Variants in CFAP221 observed in about 807,000 individuals in gnomAD.
CFAP221 encodes the protein cilia and flagella associated protein 221.
A neutral mutation model predicts 113.1 loss-of-function variants in CFAP221; 97 were observed. The ratio of observed to expected loss-of-function variants is 0.86; its 90% confidence interval spans 0.73 to 1.02. CFAP221 has a LOEUF of 1.02. Among genes scored for constraint, CFAP221 ranks in the 50% least tolerant of loss-of-function variants. The pLI is 0.00. For synonymous variants in CFAP221, 331 were observed against 354.4 expected, an observed-to-expected ratio of 0.93 and a Z score of 0.74; for missense variants, 1,025 against 1,013.4, an observed-to-expected ratio of 1.01 and a Z score of -0.16.
rs1466617306 is a variant in CFAP221, at chr2:119,646,085, A to G, written c.2226-873A>G. Among the ~76,000 whole-genome samples, 5 of 152,206 alleles carry G rather than the reference A, an allele frequency of 3.3e-5. No homozygotes were observed. The East Asian group carries it at 7.7e-4, about 23-fold the overall frequency. On this transcript the variant is annotated intron_variant, in intron 21 of 23. Transcript: ENST00000413369. Reference sequence around the variant, plus strand: ...TATCTCAATTCCTTTAACATTCTCAATAGCCAGGAATTTTTATATAAAGCT... The same window carrying G: ...TATCTCAATTCCTTTAACATTCTCAGTAGCCAGGAATTTTTATATAAAGCT...
At chr2:119,592,159 A>C (rs1038921516) in intron 7 of CFAP221, among the ~76,000 whole-genome samples, 1 of 152,184 alleles carries the variant, frequency 6.6e-6, no homozygotes, top group African/African-American at 2.4e-5. Flanking sequence ...GGCTGGAGGC[A>C]TACGATGATG....
In CFAP221 at chr2:119,604,766, G is replaced by C. The variant is rs1214355468; in HGVS notation, c.886G>C (p.Ala296Pro). Residue 296 changes from alanine (A) to proline (P), a missense_variant, in exon 9 of 24, where the codon GCG becomes CCG. By Grantham distance (27) the Ala-to-Pro change is conservative. Coordinates refer to ENST00000413369, the MANE Select transcript of CFAP221 (RefSeq NM_001271049.2). ...MMHINFHRPPAKPKPQKVKEI... is the reference protein window; with the variant it reads ...MMHINFHRPPPKPKPQKVKEI... ...GCATATAAATTTTCACCGACCGCCA[G>C]CGAAGCCGAAGCCTCAGAAGGTGAA... The C allele has an allele frequency of 6.5e-6, 10 of 1,544,518 alleles. No homozygotes were observed. The highest frequency in any genetic ancestry group is 8.7e-6 in the Non-Finnish European group (10 of 1,149,414).
At chr2:119,632,723 G>A (rs1339671285) in intron 19 of CFAP221, among the ~76,000 whole-genome samples, 1 of 146,658 alleles carries the variant, frequency 6.8e-6, no homozygotes, top group Non-Finnish European at 1.5e-5. Context: ...AAAAAAGATT[G>A]TCTATCTAGA....
intron 21 of CFAP221, among the ~76,000 whole-genome samples, chr2:119,645,913 T>C (rs1462069184): frequency 6.6e-6 from 1 of 152,202 alleles, no homozygotes; most frequent in African/African-American, 2.4e-5. Context: ...GTTGTTCTCT[T>C]TGCTGTTGTG....
At chr2:119,555,332 G>A (rs141413868) in intron 3 of CFAP221, among the ~76,000 whole-genome samples, 2 of 152,132 alleles carry the variant, frequency 1.3e-5, no homozygotes, top group Admixed American at 1.3e-4. Context: ...GGGACTAGGA[G>A]TTCTACTGAC....
chr2:119,602,579 G>T, intron 8 of CFAP221: 1 of 967,578 alleles, frequency 1.0e-6, no homozygotes, highest in Non-Finnish European at 1.2e-6. Context: ...TGATATCTTA[G>T]ATATTTATAT....
chr2:119,547,957 T>G (rs887465625), intron 2 of CFAP221, among the ~76,000 whole-genome samples: 1 of 152,074 alleles, frequency 6.6e-6, no homozygotes, highest in Non-Finnish European at 1.5e-5. Context: ...GGGTTGATTT[T>G]TTTGTTTGTT....
At chr2:119,562,209 T>TC in intron 6 of CFAP221, 95 bp downstream of exon 6, 2 of 727,362 alleles carry the variant, frequency 2.7e-6, no homozygotes, top group Non-Finnish European at 4.1e-6. Flanking sequence ...TAATGGAAGT[T>TC]CATCCTTCCA....
At chr2:119,589,057 C>T (rs189734151) in intron 7 of CFAP221, among the ~76,000 whole-genome samples, 1 of 152,208 alleles carries the variant, frequency 6.6e-6, no homozygotes, top group African/African-American at 2.4e-5. Flanking sequence ...ACTTTGGGAC[C>T]CGTCTTTTGC....
At chr2:119,641,768 G>A (rs981139494) in intron 21 of CFAP221, among the ~76,000 whole-genome samples, 2 of 152,180 alleles carry the variant, frequency 1.3e-5, no homozygotes, top group Admixed American at 6.5e-5. Flanking sequence ...GCGATAGTCC[G>A]TCACCACATT....
chr2:119,644,103 A>G (rs1687656397), intron 21 of CFAP221, among the ~76,000 whole-genome samples: 1 of 152,120 alleles, frequency 6.6e-6, no homozygotes, highest in Non-Finnish European at 1.5e-5. Context: ...CAGTGAACCA[A>G]TATTATGCCA....
chr2:119,559,742 A>G lies in CFAP221; in HGVS notation c.294A>G (p.Gln98=), dbSNP rs1681088156. The change falls in exon 4 of 24, where the codon CAA becomes CAG. Residue 98 remains glutamine, a synonymous_variant. Coordinates refer to ENST00000413369, the MANE Select transcript of CFAP221 (RefSeq NM_001271049.2). The part of the protein sequence containing the change: ...EDTRVHILPP[Q]TKYFEINYVR... The stretch of plus-strand genomic sequence containing the variant: ...CACGTGTTCATATTTTACCCCCGCA[A>G]ACCAAATACTTTGAGATCAATTATG... The G allele has an allele frequency of 1.3e-6, 2 of 1,531,534 alleles. No individual in the cohort carries two copies. 94.9% of individuals were successfully genotyped at this position (1,531,534 alleles called of 1,614,324 possible). A position where few individuals can be genotyped will look rare whatever the true frequency, so the allele number is the denominator to read the frequency against.
intron 3 of CFAP221, among the ~76,000 whole-genome samples, chr2:119,557,748 C>T (rs933441355): frequency 6.6e-6 from 1 of 152,098 alleles, no homozygotes; most frequent in Non-Finnish European, 1.5e-5. Context: ...CGCCTGTAAT[C>T]CCAGCACTTT....
At chr2:119,552,854 GAAAT>G (rs1195266322) in intron 3 of CFAP221, among the ~76,000 whole-genome samples, 3 of 150,482 alleles carry the variant, frequency 2.0e-5, no homozygotes, top group African/African-American at 4.8e-5. Context: ...TCTTTAATAA[GAAAT>G]AAATAAATAG....
chr2:119,637,522 T>C (rs1687194102), intron 19 of CFAP221, among the ~76,000 whole-genome samples: 1 of 152,170 alleles, frequency 6.6e-6, no homozygotes, highest in South Asian at 2.1e-4. Flanking sequence ...AGAATCTCAG[T>C]GTAGTGGTTA....
intron 7 of CFAP221, among the ~76,000 whole-genome samples, chr2:119,599,665 C>G (rs1292204855): frequency 6.6e-6 from 1 of 152,192 alleles, no homozygotes; most frequent in Non-Finnish European, 1.5e-5. Context: ...TCTCATACTC[C>G]TGCTCCCACC....
intron 5 of CFAP221, among the ~76,000 whole-genome samples, chr2:119,561,770 G>A (rs565716113): frequency 6.6e-6 from 1 of 151,762 alleles, no homozygotes; most frequent in Non-Finnish European, 1.5e-5. Context: ...TCTATGAGGC[G>A]TCATTATCTT....
At chr2:119,618,492 A>G (rs1574147751) in intron 14 of CFAP221, among the ~76,000 whole-genome samples, 1 of 151,562 alleles carries the variant, frequency 6.6e-6, no homozygotes, top group South Asian at 2.1e-4. Flanking sequence ...GGGTTGGGGA[A>G]CTCCCTCCCC....
At chr2:119,560,530 T>C (rs1343958176) in intron 5 of CFAP221, among the ~76,000 whole-genome samples, 1 of 152,164 alleles carries the variant, frequency 6.6e-6, no homozygotes, top group Non-Finnish European at 1.5e-5. Context: ...GGTCACCTAA[T>C]TCATCCTTTG....
Sources: gnomAD v4.1 joint callset for allele counts (sites outside exome capture counted in the v4.1 genomes callset) on GRCh38, gnomAD v4.1.1 for gene constraint, MANE v1.5 for transcripts, NCBI Gene and HGNC (gene_info 2026-07-23, HGNC 2026-07-21) for gene names.